The following RGS5 variants were observed in gnomAD, a reference collection of about 807,000 sequenced individuals.
RGS5 encodes regulator of G protein signaling 5, also known as regulator of G-protein signalling 5.
Under a neutral mutation model 18.9 loss-of-function variants are expected in RGS5, and 20 were observed. That is an observed-to-expected ratio of 1.06 (90% CI 0.74 to 1.54). The LOEUF is 1.54. Ranked by LOEUF, RGS5 falls within the 40% of genes most tolerant of loss-of-function variation. The probability of loss-of-function intolerance (pLI) is 0.00; values close to 1 mark genes in which losing one functional copy is unlikely to be tolerated. For synonymous variants in RGS5, 57 were observed against 76.2 expected (o/e 0.75, Z 1.31); for missense variants, 201 against 211.8 (o/e 0.95, Z 0.32).
intron 2 of RGS5, among the ~76,000 whole-genome samples, chr1:163,254,070 T>C (rs566231219): frequency 0.014 from 2,128 of 150,670 alleles, 58 homozygotes; most frequent in African/African-American, 0.049. Flanking sequence ...TTTGAGTTGG[T>C]TCCAAGTCTT....
intron 2 of RGS5, among the ~76,000 whole-genome samples, chr1:163,305,733 A>T (rs1373979157): frequency 6.6e-6 from 1 of 152,168 alleles, no homozygotes; most frequent in Non-Finnish European, 1.5e-5. Context: ...ACAGATCAGA[A>T]AGGAACAAGA....
At chr1:163,217,644 G>A (rs1660247713), upstream of RGS5, 1 of 1,517,340 alleles carries the variant, frequency 6.6e-7, no homozygotes, top group Non-Finnish European at 8.8e-7. Flanking sequence ...TCTTTCCTGG[G>A]CTAGTGTTCC....
At chr1:163,194,686 A>G (rs1163417529) in intron 1 of RGS5, among the ~76,000 whole-genome samples, 1 of 152,112 alleles carries the variant, frequency 6.6e-6, no homozygotes, top group East Asian at 1.9e-4. Context: ...ATAAACAGGA[A>G]GCCTATTGAC....
intron 3 of RGS5, among the ~76,000 whole-genome samples, chr1:163,156,821 G>A (rs1657598045): frequency 6.6e-6 from 1 of 152,172 alleles, no homozygotes; most frequent in South Asian, 2.1e-4. Context: ...ACTAGGGATT[G>A]TGATGGCACT....
chr1:163,160,939 G>A (rs1175823727), intron 3 of RGS5, among the ~76,000 whole-genome samples: 1 of 152,088 alleles, frequency 6.6e-6, no homozygotes, highest in Non-Finnish European at 1.5e-5. Context: ...ATTCTTGCCC[G>A]TTTGTGAGTT....
rs1319374343 is a variant in RGS5 at position 163,288,773 on chromosome 1, AACTTGGATG to A, written c.-281+17451_-281+17459del. Among the ~76,000 whole-genome samples, 3 of 152,260 alleles carry A rather than the reference AACTTGGATG, an allele frequency of 2.0e-5. No homozygotes were observed. The East Asian group carries it at 5.8e-4, about 29-fold the overall frequency. ...CCTCACATGTCCTTCTGCACATATC[AACTTGGATG>A]ACACACAGGTATCTCAAACTCACTG... On this transcript the variant is annotated intron_variant, in intron 2 of 5. Transcript: ENST00000618415.
At chr1:163,245,458 T>TA (rs1378181389) in intron 2 of RGS5, among the ~76,000 whole-genome samples, 7 of 152,358 alleles carry the variant, frequency 4.6e-5, no homozygotes, top group Non-Finnish European at 1.0e-4. Context: ...ATTTTGCTTC[T>TA]AAAACTTTAG....
chr1:163,242,816 C>G (rs931725676), intron 2 of RGS5, among the ~76,000 whole-genome samples: 1 of 152,086 alleles, frequency 6.6e-6, no homozygotes, highest in African/African-American at 2.4e-5. Flanking sequence ...TAGGGAACCT[C>G]TAACGTTTTC....
chr1:163,257,609 T>C (rs1045533764), intron 2 of RGS5, among the ~76,000 whole-genome samples: 6 of 152,180 alleles, frequency 3.9e-5, no homozygotes, highest in Non-Finnish European at 8.8e-5. Flanking sequence ...GGGACTTTAG[T>C]TGAAAACAGC....
At chr1:163,161,027 G>A (rs77540016) in intron 3 of RGS5, among the ~76,000 whole-genome samples, 1,686 of 152,312 alleles carry the variant, frequency 0.011, 11 homozygotes, top group Non-Finnish European at 0.018. Context: ...AAGATGTGCA[G>A]ACAAATGACT....
chr1:163,194,245 T>C lies in RGS5; in HGVS notation c.44+8547A>G, dbSNP rs150648934. On this transcript the variant is annotated intron_variant, in intron 1 of 4. Coordinates refer to ENST00000313961, the MANE Select transcript of RGS5 (RefSeq NM_003617.4). ...ACAAGTCTTTTAAAGAAATATGGGG[T>C]TCTTAATTGAGTCCACTGAGATTTT... is the stretch of plus-strand genomic sequence containing the variant. 2.8e-3 allele frequency among the ~76,000 whole-genome samples: 425 copies of C among 152,178 alleles called. 4 individuals are homozygous for C. The highest frequency in any genetic ancestry group is 8.8e-3 in the African/African-American group (364 of 41,528).
chr1:163,243,643 CAAAAAAAA>C (rs3069033), intron 2 of RGS5, among the ~76,000 whole-genome samples: 1 of 55,134 alleles, frequency 1.8e-5, no homozygotes, highest in East Asian at 6.0e-4. Context: ...GACTCCGTCT[CAAAAAAAA>C]AAAAAAAAAA....
intron 2 of RGS5, chr1:163,238,987 A>G (rs1647712167): frequency 4.6e-6 from 1 of 217,700 alleles, no homozygotes; most frequent in Admixed American, 4.4e-5. Flanking sequence ...AGACTTCATT[A>G]TAGGTTCCAG....
chr1:163,153,439 G>A (rs1657456192), intron 3 of RGS5, among the ~76,000 whole-genome samples: 1 of 152,028 alleles, frequency 6.6e-6, no homozygotes, highest in Non-Finnish European at 1.5e-5. Flanking sequence ...CATTCAATTT[G>A]AGACCCAAAG....
chr1:163,305,389 C>CT (rs1297759048), intron 2 of RGS5: 2 of 152,528 alleles, frequency 1.3e-5, no homozygotes, highest in Non-Finnish European at 2.9e-5. Flanking sequence ...CTGCTGCAAT[C>CT]TTTTTTTCCG....
At chr1:163,174,533 T>C (rs1458887888) in intron 1 of RGS5, among the ~76,000 whole-genome samples, 1 of 152,254 alleles carries the variant, frequency 6.6e-6, no homozygotes, top group East Asian at 1.9e-4. Flanking sequence ...TCTAATTTGC[T>C]AACTGGACAG....
chr1:163,223,869 T>C (rs1647279044), intron 2 of RGS5, among the ~76,000 whole-genome samples: 2 of 152,206 alleles, frequency 1.3e-5, no homozygotes, highest in Non-Finnish European at 2.9e-5. Context: ...AGTCTATTTA[T>C]AGGTCTGGGA....
rs765063433 is a variant in RGS5 at position 163,158,880 on chromosome 1, C to T, written c.217+3035G>A. Among the ~76,000 whole-genome samples, 125 of 152,258 alleles carry T rather than the reference C, an allele frequency of 8.2e-4. 2 individuals are homozygous for T. Among genetic ancestry groups the T allele is most frequent in the Middle Eastern group, 6.8e-3 (2 of 294 alleles). On this transcript the variant is annotated intron_variant, in intron 3 of 4. Transcript: ENST00000313961. ...CATCCTAATAAGCCTGGGAGCGCTA[C>T]GGGAGACTGGGGCTTATTGCATCCC... is the stretch of plus-strand genomic sequence containing the variant.
At chr1:163,222,431 G>A (rs184083029), upstream of RGS5, among the ~76,000 whole-genome samples, 22 of 151,942 alleles carry the variant, frequency 1.4e-4, no homozygotes, top group East Asian at 2.5e-3. Context: ...CCATGACACC[G>A]GTCCCTAGTG....
Sources: gnomAD v4.1 joint callset for allele counts (sites outside exome capture counted in the v4.1 genomes callset) on GRCh38, gnomAD v4.1.1 for gene constraint, MANE v1.5 for transcripts, NCBI Gene and HGNC (gene_info 2026-07-23, HGNC 2026-07-21) for gene names.